The following CXADR variants were observed in gnomAD, a reference collection of about 807,000 sequenced individuals.
The protein encoded by CXADR is CXADR cell adhesion molecule.
Under a neutral mutation model 40.3 loss-of-function variants are expected in CXADR, and 20 were observed. The ratio of observed to expected loss-of-function variants is 0.50; its 90% CI spans 0.35 to 0.72. The LOEUF (loss-of-function observed/expected upper bound fraction) is 0.72. Ranked by LOEUF, CXADR falls within the 30% of genes least tolerant of loss-of-function variation. The pLI is 0.01. For synonymous variants in CXADR, 150 were observed against 161.3 expected (o/e 0.93, Z 0.53); for missense variants, 332 against 449.1 (o/e 0.74, Z 2.36).
At chr21:17,574,953 G>T (rs1173969039), downstream of CXADR, among the ~76,000 whole-genome samples, 1 of 148,532 alleles carries the variant, frequency 6.7e-6, no homozygotes, top group African/African-American at 2.5e-5. Context: ...TAGGAAGTAG[G>T]GAAATGGAAA....
intron 2 of CXADR, among the ~76,000 whole-genome samples, chr21:17,548,962 A>G (rs1221581186): frequency 6.6e-6 from 1 of 152,186 alleles, no homozygotes; most frequent in Non-Finnish European, 1.5e-5. Context: ...ATGGAATTTA[A>G]ACTACATATG....
chr21:17,603,061 T>A, the CXADR span, among the ~76,000 whole-genome samples: 1 of 152,338 alleles, frequency 6.6e-6, no homozygotes, highest in East Asian at 1.9e-4. Flanking sequence ...CTCTTTAAAA[T>A]GCTGCTTCTC....
chr21:17,589,580 C>A (rs1812546071), intron 7 of CXADR, among the ~76,000 whole-genome samples: 1 of 98,118 alleles, frequency 1.0e-5, no homozygotes, highest in Non-Finnish European at 1.8e-5. Context: ...TCTAGGCATA[C>A]CATTTTTTTT....
chr21:17,580,554 G>C (rs894505747), intron 7 of CXADR, among the ~76,000 whole-genome samples: 3 of 152,116 alleles, frequency 2.0e-5, no homozygotes, highest in Non-Finnish European at 4.4e-5. Flanking sequence ...AGGCTGCAGT[G>C]AGTTGTGATC....
chr21:17,559,185 A>G, intron 4 of CXADR, 54 bp downstream of exon 4: 3 of 1,575,600 alleles, frequency 1.9e-6, no homozygotes, highest in African/African-American at 1.3e-5. Context: ...ACTAAGATCT[A>G]GTAGGGGTGT....
In CXADR at chr21:17,568,274, T is replaced by A. The variant is rs890420606; in HGVS notation, c.*2582T>A. On this transcript the variant is annotated 3_prime_UTR_variant, in exon 7 of 7. Coordinates refer to ENST00000284878, the MANE Select transcript of CXADR (RefSeq NM_001338.5). ...CTCCCGAGCAGCTGGGACTACAGGC[T>A]CCCATCACCACGCTCGGCTAAGTTT... 2.4e-5 allele frequency: 19 copies of A among 794,518 alleles called. No individual in the cohort carries two copies. Among genetic ancestry groups the A allele is most frequent in the South Asian group, 5.7e-5 (1 of 17,430 alleles). The allele number at this position is 794,518 out of a possible 1,614,324, so 49.2% of individuals were successfully genotyped here. A position where few individuals can be genotyped will look rare whatever the true frequency, so the allele number is the denominator to read the frequency against.
chr21:17,521,063 G>T (rs1256992685), intron 1 of CXADR, among the ~76,000 whole-genome samples: 3 of 152,156 alleles, frequency 2.0e-5, no homozygotes, highest in Admixed American at 6.6e-5. Context: ...ATAAAGTTAA[G>T]GAGGAAATGC....
At chr21:17,570,532 T>C (rs2061269502), downstream of CXADR, among the ~76,000 whole-genome samples, 1 of 152,138 alleles carries the variant, frequency 6.6e-6, no homozygotes, top group African/African-American at 2.4e-5. Context: ...TATTCTCACA[T>C]GACAGAAAGG....
chr21:17,560,558 C>A (rs1305775704), intron 4 of CXADR, 144 bp from the exon 5 acceptor site: 4 of 661,762 alleles, frequency 6.0e-6, no homozygotes, highest in Non-Finnish European at 1.0e-5. Context: ...ATCTGTGTGG[C>A]TCAATGCCAG....
intron 1 of CXADR, among the ~76,000 whole-genome samples, chr21:17,517,947 C>G (rs2060481640): frequency 6.6e-6 from 1 of 152,112 alleles, no homozygotes; most frequent in Non-Finnish European, 1.5e-5. Context: ...ACCCATTACT[C>G]CAGCATGAAG....
chr21:17,553,510 T>A (rs941337029), intron 3 of CXADR, among the ~76,000 whole-genome samples: 1 of 152,112 alleles, frequency 6.6e-6, no homozygotes, highest in Non-Finnish European at 1.5e-5. Context: ...AATATGGTAA[T>A]GTTGGAAATT....
At chr21:17,522,217 C>T (rs777061032) in intron 1 of CXADR, among the ~76,000 whole-genome samples, 15 of 151,718 alleles carry the variant, frequency 9.9e-5, no homozygotes, top group Admixed American at 5.3e-4. Flanking sequence ...GGCGCGATCT[C>T]GACTCACCGC....
chr21:17,612,746 C>G, the CXADR span: 1 of 152,586 alleles, frequency 6.6e-6, no homozygotes, highest in Non-Finnish European at 1.5e-5. Flanking sequence ...CGGCCCAGAC[C>G]GTGTCCTGGC....
At chr21:17,571,955 T>C (rs1199509051), downstream of CXADR, among the ~76,000 whole-genome samples, 1 of 152,150 alleles carries the variant, frequency 6.6e-6, no homozygotes, top group Non-Finnish European at 1.5e-5. Flanking sequence ...TCCAAATTGC[T>C]CAGTAAATGC....
chr21:17,595,294 G>T (rs2061490152), downstream of CXADR, among the ~76,000 whole-genome samples: 2 of 152,078 alleles, frequency 1.3e-5, no homozygotes, highest in Admixed American at 1.3e-4. Flanking sequence ...GCATTTCTAA[G>T]TATAGGATTT....
intron 1 of CXADR, among the ~76,000 whole-genome samples, chr21:17,529,993 T>C (rs1329448594): frequency 1.3e-5 from 2 of 151,558 alleles, no homozygotes; most frequent in Non-Finnish European, 2.9e-5. Flanking sequence ...CTGTTGCTCA[T>C]GCTGGAGTGT....
At chr21:17,602,108 C>A in the CXADR span, among the ~76,000 whole-genome samples, 1 of 150,082 alleles carries the variant, frequency 6.7e-6, no homozygotes, top group Admixed American at 6.6e-5. Flanking sequence ...TAGAAACAAT[C>A]AATAGTATTT....
the CXADR span, chr21:17,604,173 G>C: frequency 7.9e-7 from 1 of 1,273,396 alleles, no homozygotes; most frequent in Non-Finnish European, 1.0e-6. Flanking sequence ...GCCGGGCGCA[G>C]TGGCTCACGC....
the CXADR span, among the ~76,000 whole-genome samples, chr21:17,625,462 A>G: frequency 6.6e-6 from 1 of 152,314 alleles, no homozygotes; most frequent in African/African-American, 2.4e-5. Flanking sequence ...TATGTATCAA[A>G]ATAATGACGT....
Sources: gnomAD v4.1 joint callset for allele counts (sites outside exome capture counted in the v4.1 genomes callset) on GRCh38, gnomAD v4.1.1 for gene constraint, MANE v1.5 for transcripts, NCBI Gene and HGNC (gene_info 2026-07-23, HGNC 2026-07-21) for gene names.